Variants in ESR2 observed in about 807,000 individuals in gnomAD.
The protein encoded by ESR2 is estrogen receptor beta.
A neutral mutation model predicts 49.6 loss-of-function variants in ESR2; 36 were observed. That is an observed-to-expected ratio of 0.73 (90% CI 0.56 to 0.96). The LOEUF (loss-of-function observed/expected upper bound fraction) is 0.96, where lower values mean the gene tolerates loss of function less well. Ranked by LOEUF, ESR2 falls within the 40% of genes least tolerant of loss-of-function variation. The probability of loss-of-function intolerance (pLI) is 0.00; values close to 1 mark genes in which losing one functional copy is unlikely to be tolerated. For missense variants in ESR2, 714 were observed against 693.0 expected, an observed-to-expected ratio of 1.03 and a Z score of -0.34; for synonymous variants, 320 against 266.1, an observed-to-expected ratio of 1.20 and a Z score of -1.97.
intron 1 of ESR2, among the ~76,000 whole-genome samples, chr14:64,327,347 G>A (rs1275175952): frequency 1.3e-5 from 2 of 151,532 alleles, no homozygotes; most frequent in East Asian, 3.9e-4. Context: ...AATCACCTGA[G>A]CTCAGGAATT....
chr14:64,275,524 G>A (rs572874724), intron 3 of ESR2, among the ~76,000 whole-genome samples: 12 of 152,146 alleles, frequency 7.9e-5, no homozygotes, highest in African/African-American at 2.6e-4. Context: ...CCAATATGGT[G>A]AAACCCCATC....
intron 1 of ESR2, among the ~76,000 whole-genome samples, chr14:64,320,585 G>A (rs1240338470): frequency 2.0e-5 from 3 of 151,984 alleles, no homozygotes; most frequent in African/African-American, 4.8e-5. Flanking sequence ...TGTAAACCCC[G>A]GACTTTAGTT....
chr14:64,278,542 C>T (rs546713029), intron 3 of ESR2, among the ~76,000 whole-genome samples: 1 of 152,262 alleles, frequency 6.6e-6, no homozygotes, highest in Admixed American at 6.5e-5. Flanking sequence ...CTTTTCTTAA[C>T]TGGCAAAGAA....
chr14:64,321,574 A>C (rs371956901), intron 1 of ESR2, among the ~76,000 whole-genome samples: 1 of 152,326 alleles, frequency 6.6e-6, no homozygotes, highest in South Asian at 2.1e-4. Flanking sequence ...TTAAATAGAG[A>C]TGGACCATTA....
chr14:64,299,206 G>A (rs908636524), upstream of ESR2, among the ~76,000 whole-genome samples: 12 of 149,418 alleles, frequency 8.0e-5, no homozygotes, highest in African/African-American at 2.7e-4. Flanking sequence ...AGATAAGACT[G>A]TCTGATTTCA....
In ESR2 at chr14:64,230,073, C is replaced by T. The variant is rs1007524269; in HGVS notation, c.*3064G>A. Among the ~76,000 whole-genome samples, 3 of 144,718 alleles carry T rather than the reference C, an allele frequency of 2.1e-5. No individual in the cohort carries two copies. Among genetic ancestry groups the T allele is most frequent in the Admixed American group, 6.9e-5 (1 of 14,474 alleles). The allele number at this position is 144,718 out of a possible 152,430, so 94.9% of individuals were successfully genotyped here. The stretch of plus-strand genomic sequence containing the variant: ...GTGCACCCCAGCTACTCGGCGAGGG[C>T]GGGAATGGGGTGGGATGGGGCACTG... On this transcript the variant is annotated 3_prime_UTR_variant, in exon 9 of 9. Coordinates refer to ENST00000341099, the MANE Select transcript of ESR2 (RefSeq NM_001437.3).
intron 1 of ESR2, among the ~76,000 whole-genome samples, chr14:64,328,204 A>G (rs1450584154): frequency 6.6e-6 from 1 of 152,164 alleles, no homozygotes; most frequent in African/African-American, 2.4e-5. Flanking sequence ...CTTGGGTGAC[A>G]CAACGAGACT....
chr14:64,239,496 T>G (rs911281676), intron 7 of ESR2, among the ~76,000 whole-genome samples: 14 of 152,248 alleles, frequency 9.2e-5, no homozygotes, highest in African/African-American at 3.4e-4. Flanking sequence ...TAGACTTGTT[T>G]CTAATTTAAA....
At chr14:64,298,220 T>A (rs531071357), upstream of ESR2, among the ~76,000 whole-genome samples, 3 of 152,364 alleles carry the variant, frequency 2.0e-5, no homozygotes, top group Admixed American at 2.0e-4. Context: ...GACACCACAG[T>A]AGGCAGGCTT....
At chr14:64,237,324 A>T (rs2075625404) in intron 7 of ESR2, among the ~76,000 whole-genome samples, 1 of 152,204 alleles carries the variant, frequency 6.6e-6, no homozygotes, top group South Asian at 2.1e-4. Context: ...ATGCTAATGT[A>T]TGTTTTAGGT....
intron 1 of ESR2, among the ~76,000 whole-genome samples, chr14:64,306,442 A>G (rs773066878): frequency 5.9e-5 from 9 of 152,218 alleles, no homozygotes; most frequent in Non-Finnish European, 1.0e-4. Flanking sequence ...AGGACTTGGA[A>G]ACCAGAAAAA....
At chr14:64,257,981 T>G (rs1567750734) in intron 5 of ESR2, among the ~76,000 whole-genome samples, 1 of 151,836 alleles carries the variant, frequency 6.6e-6, no homozygotes, top group Non-Finnish European at 1.5e-5. Flanking sequence ...CTTTGGGAGG[T>G]CAAGGTGGGT....
rs1330131574 is a variant in ESR2, at chr14:64,232,376, T to G, written c.*761A>C. On this transcript the variant is annotated 3_prime_UTR_variant, in exon 9 of 9. Transcript: ENST00000341099. ...CACGCTGGCCCCATGGGACAACAGG[T>G]TTAAGGAAGAGCAGCTCCAGAAGCA... 1 of 152,182 alleles carries G rather than the reference T, an allele frequency of 6.6e-6. No homozygotes were observed. Among genetic ancestry groups the G allele is most frequent in the Non-Finnish European group, 1.5e-5 (1 of 68,066 alleles). The allele number at this position is 152,182 out of a possible 1,614,324, so 9.4% of individuals were successfully genotyped here.
At chr14:64,318,414 G>A (rs984298362) in intron 1 of ESR2, among the ~76,000 whole-genome samples, 1 of 151,614 alleles carries the variant, frequency 6.6e-6, no homozygotes, top group South Asian at 2.1e-4. Context: ...GCACATGCCT[G>A]TAATCCCAGC....
chr14:64,271,664 G>A (rs142543268), intron 3 of ESR2, among the ~76,000 whole-genome samples: 2 of 152,182 alleles, frequency 1.3e-5, no homozygotes, highest in Non-Finnish European at 2.9e-5. Context: ...AACATGGGAG[G>A]TTTGTCTTTG....
At chr14:64,242,997 G>C (rs908315270) in intron 7 of ESR2, among the ~76,000 whole-genome samples, 10 of 152,196 alleles carry the variant, frequency 6.6e-5, no homozygotes, top group Non-Finnish European at 1.3e-4. Context: ...AATCTCGTGA[G>C]ATTTATTCAC....
At chr14:64,274,258 C>G (rs888299252) in intron 3 of ESR2, among the ~76,000 whole-genome samples, 3 of 151,904 alleles carry the variant, frequency 2.0e-5, no homozygotes, top group African/African-American at 7.3e-5. Flanking sequence ...TGCTGGGAGG[C>G]TTTTTATAAC....
downstream of ESR2, chr14:64,227,560 AAG>A: frequency 6.2e-7 from 1 of 1,614,222 alleles, no homozygotes; most frequent in South Asian, 1.1e-5. Context: ...CTTCAGGCAA[AAG>A]AGTCTCCATC....
intron 1 of ESR2, among the ~76,000 whole-genome samples, chr14:64,289,580 CAAG>C (rs1596463610): frequency 6.6e-6 from 1 of 151,580 alleles, no homozygotes; most frequent in East Asian, 1.9e-4. Context: ...ATTACACATC[CAAG>C]AAGATGAAGC....
Sources: gnomAD v4.1 joint callset for allele counts (sites outside exome capture counted in the v4.1 genomes callset) on GRCh38, gnomAD v4.1.1 for gene constraint, MANE v1.5 for transcripts, NCBI Gene and HGNC (gene_info 2026-07-23, HGNC 2026-07-21) for gene names.